The following LAMC3 variants were observed in gnomAD, a reference collection of about 807,000 sequenced individuals.
The protein encoded by LAMC3 is laminin subunit gamma-3.
In LAMC3, 128 loss-of-function variants were observed where a neutral mutation model predicts 173.8. The observed-to-expected ratio is 0.74, with a 90% CI of 0.64 to 0.85. The LOEUF is 0.85. Among genes scored for constraint, LAMC3 ranks in the 40% least tolerant of loss-of-function variants. The probability of loss-of-function intolerance (pLI) is 0.00; values close to 1 mark genes in which losing one functional copy is unlikely to be tolerated. For synonymous variants in LAMC3, 897 were observed against 909.1 expected, an observed-to-expected ratio of 0.99 and a Z score of 0.24; for missense variants, 2,022 against 2,156.0, an observed-to-expected ratio of 0.94 and a Z score of 1.23.
At chr9:131,013,884 C>T (rs2133203155) in intron 1 of LAMC3, among the ~76,000 whole-genome samples, 1 of 152,352 alleles carries the variant, frequency 6.6e-6, no homozygotes, top group Middle Eastern at 3.4e-3. Flanking sequence ...GTCTCCTGAG[C>T]CTTGGCTCCG....
At chr9:131,032,534 G>GC (rs1833848701) in intron 3 of LAMC3, among the ~76,000 whole-genome samples, 1 of 58,850 alleles carries the variant, frequency 1.7e-5, no homozygotes, top group African/African-American at 5.4e-5. Flanking sequence ...CTCTCTCGCT[G>GC]TCTCTCTCTC....
chr9:131,075,783 C>G, intron 20 of LAMC3, 48 bp from the exon 21 acceptor site: 1 of 1,578,878 alleles, frequency 6.3e-7, no homozygotes, highest in South Asian at 1.1e-5. Context: ...ATCCTGGGCC[C>G]CTTCCCTGCG....
intron 1 of LAMC3, among the ~76,000 whole-genome samples, chr9:131,011,839 G>T (rs938030685): frequency 6.6e-6 from 1 of 152,080 alleles, no homozygotes; most frequent in Non-Finnish European, 1.5e-5. Context: ...CTCAGCCCAG[G>T]CACAAACAAG....
intron 13 of LAMC3, among the ~76,000 whole-genome samples, chr9:131,066,492 C>CAATAATAAT (rs112841264): frequency 1.3e-5 from 2 of 149,704 alleles, no homozygotes; most frequent in Non-Finnish European, 3.0e-5. Context: ...GACTCCATCT[C>CAATAATAAT]AATAATAATA....
rs994843898 is a variant in LAMC3, at chr9:131,052,155, C to T, written c.1631-336C>T. ...ATCGTGAATGCTACACATGAGCAGACGGCAGCCTCTCTGGTCACACGTGTG... is the reference window on the plus strand; with the variant it reads ...ATCGTGAATGCTACACATGAGCAGATGGCAGCCTCTCTGGTCACACGTGTG... On this transcript the variant is annotated intron_variant, in intron 9 of 27. Transcript: ENST00000361069. 3.3e-5 allele frequency among the ~76,000 whole-genome samples: 5 copies of T among 152,172 alleles called. No homozygotes were observed. The East Asian group carries it at 9.6e-4, about 29-fold the overall frequency.
chr9:131,047,230 T>G (rs1162082050), intron 8 of LAMC3, among the ~76,000 whole-genome samples: 1 of 107,242 alleles, frequency 9.3e-6, no homozygotes, highest in Non-Finnish European at 2.0e-5. Context: ...AATGGCGTGA[T>G]CTCAGCTCTC....
Position 131,085,695 on chromosome 9 carries a change from C to T in LAMC3, c.4202C>T (p.Ala1401Val). Residue 1401 changes from alanine (A) to valine (V), a missense_variant, in exon 25 of 28, where the codon GCA becomes GTA. Physicochemically the swap from Ala to Val is moderately conservative, Grantham distance 64 (BLOSUM62 0). Transcript: ENST00000361069. ...AGTGCCAAGAAGAAGGGCAGAGAAG[C>T]AGAGGTGTTGGCCAAGGACAGTGCC... is the stretch of plus-strand genomic sequence containing the variant. ...SSSAKKKGRE[A>V]EVLAKDSAKL... 1.2e-6 allele frequency: 2 copies of T among 1,614,198 alleles called. No homozygotes were observed. Among genetic ancestry groups the T allele is most frequent in the South Asian group, 1.1e-5 (1 of 91,088 alleles).
chr9:131,032,129 C>T lies in LAMC3; in HGVS notation c.763C>T (p.Leu255Phe), dbSNP rs1833835538. The change falls in exon 3 of 28, where the codon CTC (leucine) becomes TTC (phenylalanine). Residue 255 changes from leucine to phenylalanine, a missense_variant. Coordinates refer to ENST00000361069, the MANE Select transcript of LAMC3 (RefSeq NM_006059.4). ...CGACATCTTCAAGGACCCCAAGGTG[C>T]TCCAGTCCTACTATTATGCCGTGTC... Reference protein sequence around the residue: ...GDDIFKDPKVLQSYYYAVSDF... With the variant: ...GDDIFKDPKVFQSYYYAVSDF... 18 of 1,614,100 alleles carry T rather than the reference C, an allele frequency of 1.1e-5. No homozygotes were observed. Among genetic ancestry groups the T allele is most frequent in the Non-Finnish European group, 1.4e-5 (17 of 1,180,024 alleles).
chr9:131,061,694 T>C lies in LAMC3; in HGVS notation c.2347+471T>C, dbSNP rs952848185. On this transcript the variant is annotated intron_variant, in intron 13 of 27. Transcript: ENST00000361069. Reference sequence around the variant, plus strand: ...TGGACTCAGACATCCTCGACTCTGATTTTTTTTAAAAAGCAGCTTTATTGA... The same window carrying C: ...TGGACTCAGACATCCTCGACTCTGACTTTTTTTAAAAAGCAGCTTTATTGA... Among the ~76,000 whole-genome samples, 3 of 152,146 alleles carry C rather than the reference T, an allele frequency of 2.0e-5. No homozygotes were observed. The East Asian group carries it at 5.8e-4, about 29-fold the overall frequency.
In LAMC3 at chr9:131,038,963, C is replaced by G. The variant is rs1833993390; in HGVS notation, c.1076C>G (p.Thr359Arg). The G allele has an allele frequency of 6.2e-7, 1 of 1,613,442 alleles. No individual in the cohort carries two copies. The highest frequency in any genetic ancestry group is 1.3e-5 in the African/African-American group (1 of 75,056). Residue 359 changes from threonine (T) to arginine (R), a missense_variant, in exon 5 of 28, where the codon ACA (threonine) becomes AGA (arginine). Physicochemically the swap from Thr to Arg is moderately conservative, Grantham distance 71. Transcript: ENST00000361069. The stretch of plus-strand genomic sequence containing the variant: ...CGCTGTCACCACTGCCGTGACCACA[C>G]AGCTGGGCCACACTGTGAGCGCTGT... ...GGRCHHCRDH[T>R]AGPHCERCQE... is the part of the protein sequence containing the mutation.
At chr9:131,081,982 G>A in intron 23 of LAMC3, 77 bp from the exon 24 acceptor site, 2 of 1,063,930 alleles carry the variant, frequency 1.9e-6, no homozygotes, top group South Asian at 2.6e-5. Flanking sequence ...ATGTATGTGG[G>A]TTTGGTGCCC....
intron 11 of LAMC3, among the ~76,000 whole-genome samples, chr9:131,056,494 G>GAAAAAAAA (rs113366403): frequency 1.4e-5 from 2 of 139,960 alleles, no homozygotes. Context: ...TTGACAATTT[G>GAAAAAAAA]AAAAATAAAA....
intron 1 of LAMC3, among the ~76,000 whole-genome samples, chr9:131,010,292 A>G (rs918872915): frequency 6.6e-6 from 1 of 151,946 alleles, no homozygotes; most frequent in Non-Finnish European, 1.5e-5. Flanking sequence ...CCACTGTGCT[A>G]CAGCCTGGGC....
intron 24 of LAMC3, 45 bp downstream of exon 24, chr9:131,082,206 C>G (rs1485567650): frequency 7.2e-7 from 1 of 1,395,778 alleles, no homozygotes. Flanking sequence ...TGACGAACGC[C>G]CCTGACAGCC....
chr9:131,087,674 G>C, intron 26 of LAMC3, 44 bp from the exon 27 acceptor site: 1 of 1,613,774 alleles, frequency 6.2e-7, no homozygotes, highest in Non-Finnish European at 8.5e-7. Context: ...GGCAGCCCGG[G>C]TGGGGACGCC....
chr9:131,039,058 T>C lies in LAMC3; in HGVS notation c.1165+6T>C, dbSNP rs1588146080. 1.9e-6 allele frequency: 3 copies of C among 1,612,820 alleles called. No homozygotes were observed. The South Asian group carries it at 3.3e-5, about 18-fold the overall frequency. On this transcript the variant is annotated splice_donor_region_variant and intron_variant, in intron 5 of 27. Coordinates refer to ENST00000361069, the MANE Select transcript of LAMC3 (RefSeq NM_006059.4). ...CTGTGACTGCCAGTCGGCAGGTGAG[T>C]GGACTCCACATCCCCAGCCTCCGAC...
intron 13 of LAMC3, among the ~76,000 whole-genome samples, chr9:131,065,478 T>G (rs1223286322): frequency 6.6e-6 from 1 of 151,790 alleles, no homozygotes; most frequent in African/African-American, 2.4e-5. Flanking sequence ...AAGAGGGGGA[T>G]GAGGAAAAGG....
intron 1 of LAMC3, among the ~76,000 whole-genome samples, chr9:131,012,884 G>C (rs917013307): frequency 6.6e-6 from 1 of 152,240 alleles, no homozygotes; most frequent in Non-Finnish European, 1.5e-5. Flanking sequence ...GCCCCCCGTG[G>C]CTCCTGGACA....
chr9:131,034,403 A>G (rs1326012572), intron 3 of LAMC3, among the ~76,000 whole-genome samples: 1 of 152,192 alleles, frequency 6.6e-6, no homozygotes, highest in Non-Finnish European at 1.5e-5. Flanking sequence ...TACGTGCCCT[A>G]CCACACAGTG....
Sources: allele counts gnomAD v4.1 joint callset (sites outside exome capture counted in the v4.1 genomes callset), GRCh38; gene constraint gnomAD v4.1.1; transcripts MANE v1.5; gene names NCBI Gene and HGNC (gene_info 2026-07-23, HGNC 2026-07-21).